Variants in ULK4 observed in about 807,000 individuals in gnomAD.
ULK4 encodes the protein unc-51 like kinase 4, also known as inactive serine/threonine-protein kinase ULK4.
Under a neutral mutation model 160.6 loss-of-function variants are expected in ULK4, and 133 were observed. The observed-to-expected ratio is 0.83, with a 90% confidence interval of 0.72 to 0.96. The LOEUF is 0.96. Among genes scored for constraint, ULK4 ranks in the 40% least tolerant of loss-of-function variants. The pLI is 0.00. For missense variants in ULK4, 1,580 were observed against 1,499.5 expected (o/e 1.05, Z -0.89); for synonymous variants, 534 against 539.8 (o/e 0.99, Z 0.15).
intron 32 of ULK4, among the ~76,000 whole-genome samples, chr3:41,564,962 T>A (rs1289450294): frequency 1.3e-5 from 2 of 152,156 alleles, no homozygotes; most frequent in Admixed American, 1.3e-4. Context: ...TTTTATATCA[T>A]ATGTTTGCCA....
intron 34 of ULK4, among the ~76,000 whole-genome samples, chr3:41,455,107 CTA>C (rs1047095399): frequency 6.6e-6 from 1 of 152,028 alleles, no homozygotes; most frequent in Admixed American, 6.6e-5. Context: ...GGGGTGGGCC[CTA>C]GGTCTGTGTC....
intron 22 of ULK4, among the ~76,000 whole-genome samples, chr3:41,721,354 ATATATATATTTT>A (rs1171802547): frequency 8.4e-5 from 5 of 59,594 alleles, no homozygotes; most frequent in East Asian, 4.2e-4. Context: ...ATATATATAT[ATATATATATTTT>A]TTTTTTTTTT....
rs973850600 is a variant in ULK4, at chr3:41,386,359, A to G, written c.3678+11720T>C. On this transcript the variant is annotated intron_variant, in intron 35 of 36. Transcript: ENST00000301831. ...GTCATTTTTAACTGAACATGTGTAA[A>G]ATTAAACTTATCATATTAAATGGGT... 3.3e-5 allele frequency among the ~76,000 whole-genome samples: 5 copies of G among 152,152 alleles called. No individual in the cohort carries two copies. In the East Asian group the frequency reaches 9.6e-4, roughly 29 times the overall value.
chr3:41,684,936 T>C (rs1440875615), intron 27 of ULK4, among the ~76,000 whole-genome samples: 1 of 152,238 alleles, frequency 6.6e-6, no homozygotes, highest in Non-Finnish European at 1.5e-5. Context: ...CTGAAATTCC[T>C]AGCAAGCTTG....
intron 33 of ULK4, among the ~76,000 whole-genome samples, chr3:41,459,790 AGTGCAACT>A (rs531282759): frequency 1.2e-3 from 185 of 152,298 alleles, no homozygotes; most frequent in Admixed American, 2.7e-3. Context: ...ACAAGATGGC[AGTGCAACT>A]GTCTGATTGG....
intron 32 of ULK4, among the ~76,000 whole-genome samples, chr3:41,473,372 T>C (rs1368364373): frequency 6.6e-6 from 1 of 151,976 alleles, no homozygotes. Context: ...CTAGAACTAG[T>C]AAATATAGGC....
intron 31 of ULK4, among the ~76,000 whole-genome samples, chr3:41,606,787 C>T (rs2032402198): frequency 6.6e-6 from 1 of 152,012 alleles, no homozygotes; most frequent in Non-Finnish European, 1.5e-5. Context: ...TATTCAGAGC[C>T]TTTGCCCATT....
intron 25 of ULK4, among the ~76,000 whole-genome samples, chr3:41,709,450 G>C (rs2037015087): frequency 1.3e-5 from 2 of 152,166 alleles, no homozygotes; most frequent in Non-Finnish European, 2.9e-5. Context: ...GCACTGGCAT[G>C]ATCTCGGTTC....
At chr3:41,445,198 A>G (rs2083268763) in intron 34 of ULK4, among the ~76,000 whole-genome samples, 1 of 152,186 alleles carries the variant, frequency 6.6e-6, no homozygotes, top group Non-Finnish European at 1.5e-5. Context: ...GGAGAACTAC[A>G]AACCACTGCT....
intron 31 of ULK4, among the ~76,000 whole-genome samples, chr3:41,590,769 T>A: frequency 6.9e-6 from 1 of 145,860 alleles, no homozygotes; most frequent in Non-Finnish European, 1.5e-5. Context: ...TATCCAAAAC[T>A]AGGTACAGAA....
intron 9 of ULK4, 55 bp from the exon 10 acceptor site, chr3:41,911,714 TTA>T: frequency 7.7e-7 from 1 of 1,306,788 alleles, no homozygotes. Context: ...CTCTATAGTT[TTA>T]TGTTAGAGAA....
chr3:41,535,381 TG>T (rs1209648765), intron 32 of ULK4, among the ~76,000 whole-genome samples: 9 of 152,220 alleles, frequency 5.9e-5, no homozygotes, highest in Non-Finnish European at 4.4e-5. Context: ...GGGCTGAGGA[TG>T]AAAGTCAGTT....
intron 30 of ULK4, among the ~76,000 whole-genome samples, chr3:41,640,727 G>A (rs2034150161): frequency 6.6e-6 from 1 of 152,152 alleles, no homozygotes; most frequent in South Asian, 2.1e-4. Context: ...ATGTAGCAAG[G>A]AACCTGGAAG....
In ULK4 at chr3:41,771,934, G is replaced by C. The variant is rs976170575; in HGVS notation, c.2194-17446C>G. On this transcript the variant is annotated intron_variant, in intron 21 of 36. Transcript: ENST00000301831. ...TTTTTAAGAAACAATGAATTAGAGA[G>C]ACACAACGGAAGCCTCTGTCCTGCC... 2.0e-5 allele frequency among the ~76,000 whole-genome samples: 3 copies of C among 152,190 alleles called. No homozygotes were observed. The East Asian group carries it at 5.8e-4, about 29-fold the overall frequency.
At chr3:41,495,002 T>C (rs1431637210) in intron 32 of ULK4, among the ~76,000 whole-genome samples, 1 of 152,018 alleles carries the variant, frequency 6.6e-6, no homozygotes, top group Non-Finnish European at 1.5e-5. Context: ...ATGGCCATAC[T>C]GCCCAAGGTA....
chr3:41,543,005 G>T (rs748693210), intron 32 of ULK4, among the ~76,000 whole-genome samples: 2 of 152,036 alleles, frequency 1.3e-5, no homozygotes, highest in Non-Finnish European at 2.9e-5. Context: ...TATGTAAAAG[G>T]AAGAAGGTTC....
At chr3:41,391,235 T>C (rs1012657225) in intron 35 of ULK4, among the ~76,000 whole-genome samples, 1 of 152,076 alleles carries the variant, frequency 6.6e-6, no homozygotes, top group African/African-American at 2.4e-5. Context: ...TGAGTGTGTA[T>C]GGATTCAAGA....
intron 21 of ULK4, among the ~76,000 whole-genome samples, chr3:41,758,757 C>A (rs1435812526): frequency 6.6e-6 from 1 of 151,996 alleles, no homozygotes; most frequent in East Asian, 1.9e-4. Context: ...CCTGTAGTCC[C>A]AGCTACTCGG....
At chr3:41,353,725 A>G (rs2080968811) in intron 35 of ULK4, among the ~76,000 whole-genome samples, 1 of 149,408 alleles carries the variant, frequency 6.7e-6, no homozygotes, top group African/African-American at 2.5e-5. Context: ...TACTACTACT[A>G]CTACTACTAC....
Sources: allele counts gnomAD v4.1 joint callset (sites outside exome capture counted in the v4.1 genomes callset), GRCh38; gene constraint gnomAD v4.1.1; transcripts MANE v1.5; gene names NCBI Gene and HGNC (gene_info 2026-07-23, HGNC 2026-07-21).